Variants in ZNF536 observed in about 807,000 individuals in gnomAD.
ZNF536 encodes zinc finger protein 536.
ZNF536 carries 13 observed loss-of-function variants against 84.5 expected under a neutral mutation model. That is an observed-to-expected ratio of 0.15 (90% CI 0.10 to 0.24). ZNF536 has a LOEUF of 0.24. ZNF536 is among the 10% of genes least tolerant of loss of function. ZNF536 has a pLI of 1.00. For synonymous variants in ZNF536, 811 were observed against 742.5 expected (o/e 1.09, Z -1.50); for missense variants, 1,536 against 1,747.5 (o/e 0.88, Z 2.16).
chr19:30,453,768 G>A (rs1005807169), intron 2 of ZNF536, among the ~76,000 whole-genome samples: 1 of 152,232 alleles, frequency 6.6e-6, no homozygotes, highest in East Asian at 1.9e-4. Context: ...GGGCCATGCC[G>A]AAAGCAAGGG....
At chr19:30,405,031 C>T (rs747021464) in intron 1 of ZNF536, among the ~76,000 whole-genome samples, 4 of 152,182 alleles carry the variant, frequency 2.6e-5, no homozygotes, top group African/African-American at 4.8e-5. Context: ...TGAAGAGAGG[C>T]GTAGGGGAAT....
intron 1 of ZNF536, among the ~76,000 whole-genome samples, chr19:30,246,057 G>A (rs1157708986): frequency 6.6e-6 from 1 of 152,172 alleles, no homozygotes; most frequent in African/African-American, 2.4e-5. Context: ...GAGAGAAGAT[G>A]CTGCCCCGGC....
chr19:30,566,804 G>A (rs1394980469), intron 1 of ZNF536, among the ~76,000 whole-genome samples: 4 of 151,346 alleles, frequency 2.6e-5, no homozygotes, highest in Admixed American at 6.6e-5. Flanking sequence ...TCCGGACAGT[G>A]GAGGTCCCCA....
intron 3 of ZNF536, among the ~76,000 whole-genome samples, chr19:30,547,254 A>G (rs1033064750): frequency 6.6e-6 from 1 of 152,164 alleles, no homozygotes; most frequent in Non-Finnish European, 1.5e-5. Flanking sequence ...TATCTTAACT[A>G]TATGTCTTTA....
chr19:30,487,466 C>A (rs1397564904), intron 2 of ZNF536, among the ~76,000 whole-genome samples: 6 of 152,050 alleles, frequency 3.9e-5, no homozygotes, highest in Admixed American at 3.9e-4. Flanking sequence ...GGGAGAAATG[C>A]CAAAATAATT....
At chr19:30,580,544 C>T (rs1035573601) in intron 1 of ZNF536, among the ~76,000 whole-genome samples, 14 of 152,036 alleles carry the variant, frequency 9.2e-5, no homozygotes, top group Admixed American at 2.6e-4. Flanking sequence ...GCGGGCATGC[C>T]AGGGAGGGTA....
chr19:30,375,532 TCACCCC>T (rs1315033783), intron 1 of ZNF536, among the ~76,000 whole-genome samples: 1 of 152,060 alleles, frequency 6.6e-6, no homozygotes, highest in Admixed American at 6.5e-5. Context: ...GCTGGGGAGC[TCACCCC>T]CTCCACTCGC....
At chr19:30,319,784 GAACGAGCTAATA>G (rs1267954313) in intron 2 of ZNF536, among the ~76,000 whole-genome samples, 1 of 152,152 alleles carries the variant, frequency 6.6e-6, no homozygotes. Context: ...AGTATATTTG[GAACGAGCTAATA>G]AACATTAATC....
At chr19:30,618,479 C>T (rs6510172) in intron 1 of ZNF536, among the ~76,000 whole-genome samples, 148,524 of 152,226 alleles carry the variant, frequency 0.98, 72,525 homozygotes, top group Non-Finnish European at 0.99. Context: ...CAAAGAAAAG[C>T]ATATTTTTAT....
chr19:30,456,763 C>T (rs770470656), intron 2 of ZNF536, among the ~76,000 whole-genome samples: 2 of 152,172 alleles, frequency 1.3e-5, no homozygotes, highest in Non-Finnish European at 2.9e-5. Context: ...GAGTAGAGGC[C>T]GGGCACGGTG....
chr19:30,592,024 C>A (rs2146804832), intron 1 of ZNF536, among the ~76,000 whole-genome samples: 1 of 152,224 alleles, frequency 6.6e-6, no homozygotes, highest in Non-Finnish European at 1.5e-5. Flanking sequence ...CTTGTTCTGC[C>A]ACTCCAAAAC....
At chr19:30,235,595 T>C (rs1195891119) in intron 1 of ZNF536, among the ~76,000 whole-genome samples, 1 of 152,254 alleles carries the variant, frequency 6.6e-6, no homozygotes, top group Non-Finnish European at 1.5e-5. Flanking sequence ...TATTTAATTT[T>C]ATCTTCTGAA....
chr19:30,365,298 C>T (rs2048391030), intron 3 of ZNF536, among the ~76,000 whole-genome samples: 1 of 152,102 alleles, frequency 6.6e-6, no homozygotes, highest in African/African-American at 2.4e-5. Context: ...TTCCTCCTGT[C>T]CCTGTTCCTC....
At chr19:30,679,849 G>A (rs115243604) in intron 1 of ZNF536, among the ~76,000 whole-genome samples, 304 of 152,364 alleles carry the variant, frequency 2.0e-3, no homozygotes, top group African/African-American at 7.0e-3. Context: ...TTTGCGGGGA[G>A]AGGGGGGTCA....
At chr19:30,504,455 TCTCCCTTCCTCC>T (rs1568493489) in intron 2 of ZNF536, among the ~76,000 whole-genome samples, 3 of 107,062 alleles carry the variant, frequency 2.8e-5, no homozygotes, top group Non-Finnish European at 3.7e-5. Context: ...TCCCTTCCTT[TCTCCCTTCCTCC>T]CTCCCATCCT....
Position 30,321,249 on chromosome 19 carries a change from T to G in ZNF536, c.-119-31119T>G, listed in dbSNP as rs558109286. On this transcript the variant is annotated intron_variant, in intron 2 of 5. Coordinates refer to the ZNF536 transcript ENST00000585628. ...TCTGGCCCTACAACTGCCCTCACCA[T>G]GCTCATAGTTTAAAATGGTAGAAAG... is the stretch of plus-strand genomic sequence containing the variant. 1.5e-4 allele frequency among the ~76,000 whole-genome samples: 23 copies of G among 152,334 alleles called. No homozygotes were observed. The Middle Eastern group carries it at 0.02, about 135-fold the overall frequency.
chr19:30,605,112 T>C (rs2047822320), intron 1 of ZNF536, among the ~76,000 whole-genome samples: 2 of 152,256 alleles, frequency 1.3e-5, no homozygotes, highest in South Asian at 4.1e-4. Context: ...GAACTCATTC[T>C]ACATGTTCCT....
chr19:30,589,415 G>A (rs1326746907), intron 1 of ZNF536, among the ~76,000 whole-genome samples: 1 of 152,140 alleles, frequency 6.6e-6, no homozygotes, highest in Non-Finnish European at 1.5e-5. Context: ...AATGAGAAGA[G>A]GGTTTTCTTT....
chr19:30,617,366 T>TA (rs2048339077), intron 1 of ZNF536, among the ~76,000 whole-genome samples: 1 of 115,916 alleles, frequency 8.6e-6, no homozygotes, highest in Non-Finnish European at 1.8e-5. Context: ...TTTTTTTTTT[T>TA]ATGAGATGGA....
Sources: allele counts gnomAD v4.1 joint callset (sites outside exome capture counted in the v4.1 genomes callset), GRCh38; gene constraint gnomAD v4.1.1; transcripts MANE v1.5; gene names NCBI Gene and HGNC (gene_info 2026-07-23, HGNC 2026-07-21).